The following ATP8A1 variants were observed in gnomAD, a reference collection of about 807,000 sequenced individuals.
ATP8A1 encodes the protein phospholipid-transporting ATPase IA.
A neutral mutation model predicts 177.7 loss-of-function variants in ATP8A1; 90 were observed. That is an observed-to-expected ratio of 0.51 (90% CI 0.43 to 0.60). ATP8A1 has a LOEUF of 0.60. Among genes scored for constraint, ATP8A1 ranks in the 20% least tolerant of loss-of-function variants. The pLI is 0.00. For synonymous variants in ATP8A1, 493 were observed against 485.9 expected (o/e 1.01, Z -0.19); for missense variants, 1,072 against 1,392.8 (o/e 0.77, Z 3.67).
intron 33 of ATP8A1, among the ~76,000 whole-genome samples, chr4:42,442,325 A>T (rs180815211): frequency 3.3e-5 from 5 of 152,210 alleles, no homozygotes; most frequent in Non-Finnish European, 5.9e-5. Flanking sequence ...AAAACAAAGA[A>T]TAGAATTAAA....
At chr4:42,611,447 G>A (rs1411841603) in intron 5 of ATP8A1, among the ~76,000 whole-genome samples, 2 of 152,094 alleles carry the variant, frequency 1.3e-5, no homozygotes. Context: ...GTTGATCAAT[G>A]GGCTGCTAAG....
chr4:42,641,153 A>C (rs1739949231), intron 1 of ATP8A1, among the ~76,000 whole-genome samples: 1 of 152,146 alleles, frequency 6.6e-6, no homozygotes, highest in South Asian at 2.1e-4. Context: ...ACGATTAATC[A>C]ATGTACAGAT....
At chr4:42,420,606 A>G (rs1577895872) in intron 35 of ATP8A1, among the ~76,000 whole-genome samples, 1 of 152,212 alleles carries the variant, frequency 6.6e-6, no homozygotes, top group Non-Finnish European at 1.5e-5. Flanking sequence ...TTGGTAGACA[A>G]CAAAAAGACA....
intron 8 of ATP8A1, 128 bp downstream of exon 8, chr4:42,588,132 G>C (rs142706812): frequency 6.0e-6 from 4 of 662,056 alleles, no homozygotes; most frequent in Admixed American, 3.2e-5. Flanking sequence ...AAACCTCTTT[G>C]TTGTGGTTCC....
intron 13 of ATP8A1, among the ~76,000 whole-genome samples, chr4:42,575,126 A>T (rs1732313783): frequency 6.6e-6 from 1 of 152,262 alleles, no homozygotes; most frequent in Non-Finnish European, 1.5e-5. Flanking sequence ...ATTCTGGACT[A>T]GATGCTATTT....
chr4:42,430,563 A>G (rs754202324), intron 33 of ATP8A1, among the ~76,000 whole-genome samples: 2 of 151,016 alleles, frequency 1.3e-5, no homozygotes, highest in Non-Finnish European at 2.9e-5. Context: ...TGGGGGTTTG[A>G]CATGCAGATT....
intron 29 of ATP8A1, among the ~76,000 whole-genome samples, chr4:42,453,165 C>A (rs1417269131): frequency 6.6e-6 from 1 of 152,178 alleles, no homozygotes. Context: ...ACATGCTAAT[C>A]CTTTAACCCC....
chr4:42,473,821 T>G (rs371926927), intron 25 of ATP8A1, among the ~76,000 whole-genome samples: 5 of 69,596 alleles, frequency 7.2e-5, no homozygotes, highest in Non-Finnish European at 5.9e-5. Flanking sequence ...AATTTTTGTG[T>G]TTTTTTTTTT....
At chr4:42,531,419 T>TA (rs1364169354) in intron 20 of ATP8A1, among the ~76,000 whole-genome samples, 5 of 152,200 alleles carry the variant, frequency 3.3e-5, no homozygotes, top group African/African-American at 1.2e-4. Flanking sequence ...ACAAAGACTG[T>TA]AACTGTCATG....
intron 1 of ATP8A1, among the ~76,000 whole-genome samples, chr4:42,633,390 TATC>T (rs1239707155): frequency 1.3e-5 from 2 of 152,226 alleles, no homozygotes; most frequent in African/African-American, 4.8e-5. Context: ...TCATCCGAAA[TATC>T]ATGATCTAAT....
At chr4:42,617,529 C>T (rs911961180) in intron 4 of ATP8A1, among the ~76,000 whole-genome samples, 1 of 152,136 alleles carries the variant, frequency 6.6e-6, no homozygotes, top group African/African-American at 2.4e-5. Flanking sequence ...TGAAAATATT[C>T]TTTTTGCTTG....
intron 20 of ATP8A1, among the ~76,000 whole-genome samples, chr4:42,542,315 TCAAA>T (rs1458462636): frequency 6.6e-6 from 1 of 152,270 alleles, no homozygotes. Context: ...CTTTAACTCC[TCAAA>T]CAAGTTTCTA....
intron 10 of ATP8A1, 65 bp from the exon 11 acceptor site, chr4:42,580,043 T>C: frequency 3.1e-6 from 4 of 1,289,928 alleles, no homozygotes; most frequent in East Asian, 5.1e-5. Flanking sequence ...CTATACTTAG[T>C]ATTCTGTTGA....
At chr4:42,430,627 C>A (rs1334717181) in intron 33 of ATP8A1, among the ~76,000 whole-genome samples, 1 of 152,144 alleles carries the variant, frequency 6.6e-6, no homozygotes, top group Non-Finnish European at 1.5e-5. Context: ...TCTCTCTTCT[C>A]CCACCTTCCA....
intron 15 of ATP8A1, among the ~76,000 whole-genome samples, chr4:42,558,535 A>C (rs1223085583): frequency 6.6e-6 from 1 of 152,240 alleles, no homozygotes; most frequent in African/African-American, 2.4e-5. Context: ...AAAATGAAGA[A>C]TCTCTATAGC....
chr4:42,617,376 C>A (rs2109456661), intron 4 of ATP8A1, among the ~76,000 whole-genome samples: 1 of 152,300 alleles, frequency 6.6e-6, no homozygotes, highest in East Asian at 1.9e-4. Context: ...AAAATACTCA[C>A]TAATAAAAGT....
chr4:42,589,045 T>TC (rs945204612), intron 7 of ATP8A1, among the ~76,000 whole-genome samples: 2 of 152,132 alleles, frequency 1.3e-5, no homozygotes, highest in African/African-American at 4.8e-5. Context: ...CTTCATGGGT[T>TC]CCCCACCAGT....
At chr4:42,581,958 C>T (rs1733130169) in intron 9 of ATP8A1, among the ~76,000 whole-genome samples, 1 of 152,126 alleles carries the variant, frequency 6.6e-6, no homozygotes, top group South Asian at 2.1e-4. Context: ...ACTTCACTAT[C>T]TGGTATGGAC....
chr4:42,503,812 C>A (rs928766904), intron 23 of ATP8A1, among the ~76,000 whole-genome samples: 3 of 152,104 alleles, frequency 2.0e-5, no homozygotes, highest in Non-Finnish European at 4.4e-5. Flanking sequence ...TTCATGATAA[C>A]CAACATGAAG....
Sources: allele counts gnomAD v4.1 joint callset (sites outside exome capture counted in the v4.1 genomes callset), GRCh38; gene constraint gnomAD v4.1.1; transcripts MANE v1.5; gene names NCBI Gene and HGNC (gene_info 2026-07-23, HGNC 2026-07-21).